Variants in ANKS1B observed in about 807,000 individuals in gnomAD.
ANKS1B encodes the protein ankyrin repeat and sterile alpha motif domain containing 1B.
Under a neutral mutation model 148.3 loss-of-function variants are expected in ANKS1B, and 36 were observed. That is an observed-to-expected ratio of 0.24 (90% CI 0.19 to 0.32). The LOEUF (loss-of-function observed/expected upper bound fraction) is 0.32, where lower values mean the gene tolerates loss of function less well. Ranked by LOEUF, ANKS1B falls within the 10% of genes least tolerant of loss-of-function variation. ANKS1B has a pLI of 1.00. For synonymous variants in ANKS1B, 542 were observed against 560.8 expected, an observed-to-expected ratio of 0.97 and a Z score of 0.47; for missense variants, 1,157 against 1,542.6, an observed-to-expected ratio of 0.75 and a Z score of 4.19.
chr12:99,503,005 C>T (rs576399488), intron 10 of ANKS1B, among the ~76,000 whole-genome samples: 14 of 152,308 alleles, frequency 9.2e-5, no homozygotes, highest in Middle Eastern at 3.4e-3. Context: ...GGTGTGACCA[C>T]GGTTTACTGT....
intron 12 of ANKS1B, among the ~76,000 whole-genome samples, chr12:99,393,723 A>T (rs1205567213): frequency 3.9e-5 from 6 of 151,978 alleles, no homozygotes. Context: ...AATTATTCCA[A>T]CCCTCTTCTT....
intron 8 of ANKS1B, among the ~76,000 whole-genome samples, chr12:99,733,421 G>A (rs954678731): frequency 6.6e-6 from 1 of 152,134 alleles, no homozygotes; most frequent in African/African-American, 2.4e-5. Context: ...GCCATGATAC[G>A]ACAATAAATT....
chr12:99,668,983 T>C (rs1484377878), intron 8 of ANKS1B, among the ~76,000 whole-genome samples: 1 of 152,204 alleles, frequency 6.6e-6, no homozygotes, highest in Non-Finnish European at 1.5e-5. Flanking sequence ...ATGTTTCCTT[T>C]GAACTCTTTT....
chr12:99,328,896 T>A (rs1170659668), intron 12 of ANKS1B, among the ~76,000 whole-genome samples: 1 of 151,788 alleles, frequency 6.6e-6, no homozygotes, highest in Non-Finnish European at 1.5e-5. Flanking sequence ...GAAAGATATA[T>A]AAAAAGACTG....
Position 99,386,768 on chromosome 12 carries a change from G to A in ANKS1B, c.1756+12863C>T, listed in dbSNP as rs80009471. 3.8e-3 allele frequency among the ~76,000 whole-genome samples: 578 copies of A among 152,256 alleles called. 35 individuals carry two copies. The East Asian group carries it at 0.086, about 23-fold the overall frequency. On this transcript the variant is annotated intron_variant, in intron 12 of 26. Transcript: ENST00000683438. ...TCATCTGTAAAATCAGATCAGTTAT[G>A]TAACAAAAACTTACATTAAAAATGA... is the stretch of plus-strand genomic sequence containing the variant.
chr12:99,596,270 G>A (rs1035981704), intron 9 of ANKS1B, among the ~76,000 whole-genome samples: 15 of 151,870 alleles, frequency 9.9e-5, no homozygotes, highest in Non-Finnish European at 1.8e-4. Context: ...ATCTTTCCTT[G>A]CTTCTTTCAA....
At chr12:99,583,982 G>GA (rs961557285) in intron 9 of ANKS1B, among the ~76,000 whole-genome samples, 7 of 152,142 alleles carry the variant, frequency 4.6e-5, no homozygotes, top group South Asian at 2.1e-4. Flanking sequence ...CCATTTTTCT[G>GA]AAAAAATGAA....
In ANKS1B at chr12:98,965,084, C is replaced by T. The variant is rs181006153; in HGVS notation, c.2778+88073G>A. 1.2e-4 allele frequency among the ~76,000 whole-genome samples: 18 copies of T among 152,046 alleles called. 1 individual carries two copies. In the East Asian group the frequency reaches 3.5e-3, roughly 29 times the overall value. On this transcript the variant is annotated intron_variant, in intron 17 of 26. Transcript: ENST00000683438. The stretch of plus-strand genomic sequence containing the variant: ...CTCATGTACCCCATAAATATATACA[C>T]CTACTACATACCTACAAAAATAAAA...
chr12:99,328,054 C>A (rs951006718), intron 12 of ANKS1B, among the ~76,000 whole-genome samples: 6 of 151,714 alleles, frequency 4.0e-5, no homozygotes, highest in African/African-American at 1.5e-4. Flanking sequence ...TACTTCCAGA[C>A]AAAATGGGAT....
chr12:99,319,788 G>A (rs562985456), intron 12 of ANKS1B, among the ~76,000 whole-genome samples: 12 of 152,248 alleles, frequency 7.9e-5, no homozygotes, highest in Admixed American at 2.6e-4. Flanking sequence ...TCCTAGCATC[G>A]ATGGTCTTTA....
intron 12 of ANKS1B, among the ~76,000 whole-genome samples, chr12:99,342,117 G>C (rs936674270): frequency 3.9e-5 from 6 of 152,032 alleles, no homozygotes; most frequent in Non-Finnish European, 7.4e-5. Context: ...CATAGTTCCT[G>C]ATATCATGGA....
chr12:99,774,916 T>C lies in ANKS1B; in HGVS notation c.961+632A>G, dbSNP rs372598811. Among the ~76,000 whole-genome samples the C allele has an allele frequency of 2.2e-4, 34 of 152,160 alleles. No individual in the cohort carries two copies. The East Asian group carries it at 3.3e-3, about 15-fold the overall frequency. On this transcript the variant is annotated intron_variant, in intron 7 of 26. Transcript: ENST00000683438. The stretch of plus-strand genomic sequence containing the variant: ...GAACCAGGTACAGAAAGACAAATAC[T>C]GCATGATCTCACATGTGGAATCTAA...
intron 14 of ANKS1B, among the ~76,000 whole-genome samples, chr12:99,204,145 T>C (rs2153900699): frequency 6.6e-6 from 1 of 152,342 alleles, no homozygotes; most frequent in African/African-American, 2.4e-5. Flanking sequence ...TTCATAAACA[T>C]TTCAATTCCT....
At chr12:99,253,350 T>C (rs184835050) in intron 12 of ANKS1B, among the ~76,000 whole-genome samples, 2 of 152,110 alleles carry the variant, frequency 1.3e-5, no homozygotes, top group African/African-American at 4.8e-5. Context: ...GGCAGGCGCA[T>C]GGAACTCAAG....
chr12:99,143,486 G>A (rs184802740), intron 15 of ANKS1B, among the ~76,000 whole-genome samples: 8 of 152,192 alleles, frequency 5.3e-5, no homozygotes, highest in Admixed American at 3.9e-4. Context: ...GTAAGGTGTT[G>A]TTTCTGTGTC....
At chr12:99,688,221 A>C (rs2098660373) in intron 8 of ANKS1B, among the ~76,000 whole-genome samples, 1 of 152,006 alleles carries the variant, frequency 6.6e-6, no homozygotes, top group Non-Finnish European at 1.5e-5. Flanking sequence ...TGCAGTTCCC[A>C]CCTCTCCAAT....
intron 12 of ANKS1B, among the ~76,000 whole-genome samples, chr12:99,278,863 AT>A (rs2078029145): frequency 1.3e-5 from 2 of 152,250 alleles, no homozygotes; most frequent in Admixed American, 1.3e-4. Flanking sequence ...ATTGCATTAA[AT>A]ATTTAAAAAT....
chr12:99,373,683 C>T (rs982197121), intron 12 of ANKS1B, among the ~76,000 whole-genome samples: 2 of 151,842 alleles, frequency 1.3e-5, no homozygotes, highest in African/African-American at 2.4e-5. Context: ...ATACTTGTTT[C>T]ATTTTTTGTT....
chr12:99,677,954 C>CA (rs1404425478), intron 8 of ANKS1B, among the ~76,000 whole-genome samples: 3 of 152,106 alleles, frequency 2.0e-5, no homozygotes, highest in African/African-American at 7.2e-5. Context: ...GCATGGACAA[C>CA]AGAGCAAGAC....
Sources: gnomAD v4.1 joint callset for allele counts (sites outside exome capture counted in the v4.1 genomes callset) on GRCh38, gnomAD v4.1.1 for gene constraint, MANE v1.5 for transcripts, NCBI Gene and HGNC (gene_info 2026-07-23, HGNC 2026-07-21) for gene names.